Variants in NUBPL observed in about 807,000 individuals in gnomAD.
NUBPL encodes the protein iron-sulfur cluster transfer protein NUBPL.
Under a neutral mutation model 45.7 loss-of-function variants are expected in NUBPL, and 31 were observed. The observed-to-expected ratio is 0.68, with a 90% CI of 0.51 to 0.92. The LOEUF (loss-of-function observed/expected upper bound fraction) is 0.92, where lower values mean the gene tolerates loss of function less well. Ranked by LOEUF, NUBPL falls within the 40% of genes least tolerant of loss-of-function variation. The probability of loss-of-function intolerance (pLI) is 0.00; values close to 1 mark genes in which losing one functional copy is unlikely to be tolerated. For missense variants in NUBPL, 401 were observed against 398.7 expected (o/e 1.01, Z -0.05); for synonymous variants, 144 against 140.9 (o/e 1.02, Z -0.15).
chr14:31,652,560 G>T (rs1246280401), intron 4 of NUBPL, among the ~76,000 whole-genome samples: 2 of 151,964 alleles, frequency 1.3e-5, no homozygotes, highest in Non-Finnish European at 2.9e-5. Context: ...TATAAATTTT[G>T]TCAATTAAAA....
At chr14:31,785,045 G>T (rs940913458) in intron 6 of NUBPL, among the ~76,000 whole-genome samples, 2 of 151,956 alleles carry the variant, frequency 1.3e-5, no homozygotes, top group Non-Finnish European at 2.9e-5. Context: ...GTTTATTCAG[G>T]AGTCTGACCA....
intron 3 of NUBPL, among the ~76,000 whole-genome samples, chr14:31,572,567 T>G (rs1309914858): frequency 6.6e-6 from 1 of 152,214 alleles, no homozygotes; most frequent in Non-Finnish European, 1.5e-5. Context: ...TACAGGCAGA[T>G]TTGAAAGTAT....
At position 31,712,100 on chromosome 14, in the gene NUBPL, T is replaced by C. The variant is rs147626835; in HGVS notation, c.513+38526T>C. On this transcript the variant is annotated intron_variant, in intron 6 of 10. Coordinates refer to ENST00000281081, the MANE Select transcript of NUBPL (RefSeq NM_025152.3). ...CCGGAGCGGGTTGCTGGCTGCTGGC[T>C]GGGGTGGCCTGCTTTTATTCCCTTA... Among the ~76,000 whole-genome samples, 330 of 152,340 alleles carry C rather than the reference T, an allele frequency of 2.2e-3. 3 individuals carry two copies. Among genetic ancestry groups the C allele is most frequent in the African/African-American group, 7.5e-3 (313 of 41,572 alleles).
At chr14:31,853,128 G>A (rs1479819005) in intron 10 of NUBPL, among the ~76,000 whole-genome samples, 6 of 151,176 alleles carry the variant, frequency 4.0e-5, no homozygotes, top group African/African-American at 1.4e-4. Flanking sequence ...TTTGAGACAG[G>A]ATCTTACTCT....
chr14:31,756,655 A>G (rs1481805739), intron 6 of NUBPL, among the ~76,000 whole-genome samples: 2 of 148,250 alleles, frequency 1.3e-5, no homozygotes, highest in African/African-American at 4.9e-5. Flanking sequence ...AACAGGGACA[A>G]TTTGACTTCC....
At position 31,756,509 on chromosome 14, in the gene NUBPL, A is replaced by G. The variant is rs376768700; in HGVS notation, c.514-31271A>G. On this transcript the variant is annotated intron_variant, in intron 6 of 10. Coordinates refer to ENST00000281081, the MANE Select transcript of NUBPL (RefSeq NM_025152.3). ...TGATTTGGCTCTCTGTTTGTCTGTT[A>G]TTGCTGTATAAGAATGCTTGTGATT... is the stretch of plus-strand genomic sequence containing the variant. Among the ~76,000 whole-genome samples, 8 of 151,788 alleles carry G rather than the reference A, an allele frequency of 5.3e-5. No individual in the cohort carries two copies. The South Asian group carries it at 1.3e-3, about 24-fold the overall frequency.
intron 6 of NUBPL, among the ~76,000 whole-genome samples, chr14:31,677,336 C>G (rs564925722): frequency 6.6e-6 from 1 of 152,202 alleles, no homozygotes; most frequent in Non-Finnish European, 1.5e-5. Flanking sequence ...CCTCCACCCC[C>G]ACCACCCTTC....
chr14:31,860,032 TG>T lies in NUBPL; in HGVS notation c.*854del, dbSNP rs1280590330. 6.6e-6 allele frequency: 1 copy of T among 151,824 alleles called. No homozygotes were observed. Among genetic ancestry groups the T allele is most frequent in the Non-Finnish European group, 1.5e-5 (1 of 67,964 alleles). 9.4% of individuals were successfully genotyped at this position (151,824 alleles called of 1,614,324 possible). On this transcript the variant is annotated 3_prime_UTR_variant, in exon 11 of 11. Transcript: ENST00000281081. ...AAAAAAAGTCGGTGGTGGCTAGGCG[TG>T]GTGGCTCACGCCTGTAATCCCAGCA...
At chr14:31,831,258 G>A (rs1351852949) in intron 8 of NUBPL, among the ~76,000 whole-genome samples, 1 of 151,612 alleles carries the variant, frequency 6.6e-6, no homozygotes, top group Admixed American at 6.6e-5. Context: ...GGCCAGGCTG[G>A]TCTCAAACTC....
At chr14:31,795,238 C>T (rs1175640048) in intron 7 of NUBPL, among the ~76,000 whole-genome samples, 1 of 151,044 alleles carries the variant, frequency 6.6e-6, no homozygotes, top group Non-Finnish European at 1.5e-5. Flanking sequence ...TCCATATGAA[C>T]TTTAAAGTAG....
At chr14:31,655,686 C>G (rs2036124974) in intron 4 of NUBPL, among the ~76,000 whole-genome samples, 1 of 152,198 alleles carries the variant, frequency 6.6e-6, no homozygotes, top group African/African-American at 2.4e-5. Context: ...GCACTCTAGC[C>G]TGGGTGACAA....
At chr14:31,688,657 T>TTTC (rs562530962) in intron 6 of NUBPL, among the ~76,000 whole-genome samples, 5,022 of 95,590 alleles carry the variant, frequency 0.053, 176 homozygotes, top group African/African-American at 0.097. Context: ...TTTTTGTTGT[T>TTTC]GTTTTTTTTT....
At chr14:31,596,996 C>A (rs1258137216) in intron 3 of NUBPL, among the ~76,000 whole-genome samples, 4 of 152,134 alleles carry the variant, frequency 2.6e-5, no homozygotes, top group Non-Finnish European at 5.9e-5. Flanking sequence ...ATAGGGCTGG[C>A]AGTGGAGGCC....
chr14:31,593,648 A>G (rs534073836), intron 3 of NUBPL, among the ~76,000 whole-genome samples: 10 of 152,142 alleles, frequency 6.6e-5, no homozygotes, highest in Non-Finnish European at 1.5e-4. Context: ...CTAAGAAGAA[A>G]GAAAAAGCAG....
chr14:31,716,844 G>A (rs1401070896), intron 6 of NUBPL, among the ~76,000 whole-genome samples: 2 of 152,090 alleles, frequency 1.3e-5, no homozygotes, highest in Non-Finnish European at 2.9e-5. Flanking sequence ...AGCTGCTCAG[G>A]CTAAAATCCT....
intron 3 of NUBPL, among the ~76,000 whole-genome samples, chr14:31,574,238 A>G (rs1041681516): frequency 6.6e-6 from 1 of 151,602 alleles, no homozygotes; most frequent in Non-Finnish European, 1.5e-5. Context: ...TGCAAAATAA[A>G]TCAGTGCACA....
intron 7 of NUBPL, among the ~76,000 whole-genome samples, chr14:31,825,110 C>T (rs573320590): frequency 6.5e-4 from 99 of 152,252 alleles, no homozygotes; most frequent in South Asian, 4.1e-3. Flanking sequence ...CACTTCAGTT[C>T]AGGCCTCTAC....
At chr14:31,807,609 A>G (rs993117462) in intron 7 of NUBPL, among the ~76,000 whole-genome samples, 10 of 152,116 alleles carry the variant, frequency 6.6e-5, no homozygotes, top group Non-Finnish European at 1.5e-4. Flanking sequence ...TTTGCTGTGC[A>G]GAAGCTCTTT....
At chr14:31,742,277 C>CACACACACACAT (rs998724714) in intron 6 of NUBPL, among the ~76,000 whole-genome samples, 12 of 149,370 alleles carry the variant, frequency 8.0e-5, no homozygotes, top group African/African-American at 3.0e-4. Flanking sequence ...CACACACACA[C>CACACACACACAT]ACATCTTCCT....
Sources: gnomAD v4.1 joint callset for allele counts (sites outside exome capture counted in the v4.1 genomes callset) on GRCh38, gnomAD v4.1.1 for gene constraint, MANE v1.5 for transcripts, NCBI Gene and HGNC (gene_info 2026-07-23, HGNC 2026-07-21) for gene names.